CACNA1A: variants seen among roughly 807,000 people sequenced by gnomAD.
CACNA1A encodes calcium voltage-gated channel subunit alpha1 A, also known as voltage-dependent P/Q-type calcium channel subunit alpha-1A.
Under a neutral mutation model 262.4 loss-of-function variants are expected in CACNA1A, and 57 were observed. That is an observed-to-expected ratio of 0.22 (90% CI 0.18 to 0.27). CACNA1A has a LOEUF of 0.27. Among genes scored for constraint, CACNA1A ranks in the 10% least tolerant of loss-of-function variants. The pLI, the probability that CACNA1A is intolerant of heterozygous loss-of-function variation, is 1.00. For synonymous variants in CACNA1A, 1,431 were observed against 1,419.3 expected, an observed-to-expected ratio of 1.01 and a Z score of -0.18; for missense variants, 2,526 against 3,562.8, an observed-to-expected ratio of 0.71 and a Z score of 7.41.
intron 19 of CACNA1A, among the ~76,000 whole-genome samples, chr19:13,289,908 A>G (rs1278653738): frequency 6.7e-6 from 1 of 148,654 alleles, no homozygotes; most frequent in African/African-American, 2.4e-5. Flanking sequence ...TATATATAAC[A>G]TATATATTAT....
chr19:13,317,392 C>T (rs41276890), intron 10 of CACNA1A, 71 bp from the exon 11 acceptor site: 6 of 1,303,148 alleles, frequency 4.6e-6, no homozygotes, highest in African/African-American at 2.9e-5. Flanking sequence ...ATGTGCAGCC[C>T]AAGCACAGAT....
At chr19:13,210,584 C>T in intron 44 of CACNA1A, 33 bp downstream of exon 44, 1 of 1,551,022 alleles carries the variant, frequency 6.4e-7, no homozygotes, top group Non-Finnish European at 8.7e-7. Flanking sequence ...GGGGCCGGAG[C>T]CCTGCTGGGC....
intron 1 of CACNA1A, among the ~76,000 whole-genome samples, chr19:13,478,109 T>C (rs1459038044): frequency 6.6e-6 from 1 of 152,154 alleles, no homozygotes; most frequent in African/African-American, 2.4e-5. Flanking sequence ...ATGTGTGTGT[T>C]GTGTTTTATT....
At chr19:13,413,882 AAAGAAAG>A (rs1599399470) in intron 3 of CACNA1A, among the ~76,000 whole-genome samples, 11 of 123,688 alleles carry the variant, frequency 8.9e-5, no homozygotes, top group South Asian at 5.4e-4. Flanking sequence ...CTCTGTCAAG[AAAGAAAG>A]AAAGAAAAAG....
rs1978679474 is a variant in CACNA1A, at chr19:13,477,403, T to G, written c.294-22191A>C. On this transcript the variant is annotated intron_variant, in intron 1 of 46. Transcript: ENST00000360228. ...CTCCCAGAGGGCAGGGACTTTTGTC[T>G]GCTTCCTGTGTCTTGAAGAGTGCCT... is the stretch of plus-strand genomic sequence containing the variant. Among the ~76,000 whole-genome samples the G allele has an allele frequency of 2.0e-5, 3 of 152,380 alleles. No homozygotes were observed. In the South Asian group the frequency reaches 6.2e-4, roughly 32 times the overall value.
At chr19:13,210,937 G>A (rs1204745128) in intron 43 of CACNA1A, 4 of 532,554 alleles carry the variant, frequency 7.5e-6, no homozygotes, top group Non-Finnish European at 1.4e-5. Flanking sequence ...GCATGGGACC[G>A]AAAGACAGGA....
Position 13,227,240 on chromosome 19 carries a change from G to A in CACNA1A, c.5625+191C>T, listed in dbSNP as rs1453407786. On this transcript the variant is annotated intron_variant, in intron 37 of 46. Transcript: ENST00000360228. ...TCAGAAAGGACGGACACAGTGTGCT[G>A]CTTAGAATCAAGGGATGGTCATGAT... 7.7e-5 allele frequency: 29 copies of A among 377,640 alleles called. No homozygotes were observed. In the East Asian group the frequency reaches 9.6e-4, roughly 13 times the overall value. The allele number at this position is 377,640 out of a possible 1,614,324, so 23.4% of individuals were successfully genotyped here. A position where few individuals can be genotyped will look rare whatever the true frequency, so the allele number is the denominator to read the frequency against.
Position 13,506,018 on chromosome 19 carries a change from C to T in CACNA1A, c.207G>A (p.Gln69=). ...GAGACCGGTTAACCGTGAGGCAGTT[C>T]TGTCGGACGGGGATGGGGTTGTAGA... is the stretch of plus-strand genomic sequence containing the variant. ...MALYNPIPVR[Q]NCLTVNRSLF... The change falls in exon 1 of 47, where the codon CAG becomes CAA. Residue 69 remains glutamine (Q), a synonymous_variant. Coordinates refer to ENST00000360228, the MANE Select transcript of CACNA1A (RefSeq NM_001127222.2). 1 of 1,614,012 alleles carries T rather than the reference C, an allele frequency of 6.2e-7. No homozygotes were observed. Among genetic ancestry groups the T allele is most frequent in the Non-Finnish European group, 8.5e-7 (1 of 1,179,894 alleles).
chr19:13,462,413 C>G (rs1009380441), intron 1 of CACNA1A, among the ~76,000 whole-genome samples: 1 of 152,118 alleles, frequency 6.6e-6, no homozygotes, highest in African/African-American at 2.4e-5. Flanking sequence ...TAGAGGGTAC[C>G]AGAACCCTAG....
chr19:13,276,076 C>T, intron 23 of CACNA1A, 120 bp from the exon 24 acceptor site: 2 of 643,138 alleles, frequency 3.1e-6, no homozygotes, highest in Non-Finnish European at 5.5e-6. Flanking sequence ...CCTCATCTTG[C>T]AGGGATGGGC....
At chr19:13,283,466 T>G in intron 21 of CACNA1A, 70 bp from the exon 22 acceptor site, 1 of 1,592,034 alleles carries the variant, frequency 6.3e-7, no homozygotes. Flanking sequence ...TCTTCCATAA[T>G]CTCATGTTAC....
chr19:13,502,361 C>T (rs1982489019), intron 1 of CACNA1A, among the ~76,000 whole-genome samples: 1 of 152,130 alleles, frequency 6.6e-6, no homozygotes, highest in Non-Finnish European at 1.5e-5. Flanking sequence ...CCTCCGATGG[C>T]CTGAGTTTCT....
intron 3 of CACNA1A, among the ~76,000 whole-genome samples, chr19:13,410,142 C>T (rs1415084440): frequency 1.3e-5 from 2 of 152,082 alleles, no homozygotes; most frequent in African/African-American, 2.4e-5. Context: ...AAGAGATGTC[C>T]TCCTGACACT....
chr19:13,434,345 C>A, intron 3 of CACNA1A, among the ~76,000 whole-genome samples: 1 of 152,090 alleles, frequency 6.6e-6, no homozygotes, highest in East Asian at 1.9e-4. Context: ...GAAATAGGTA[C>A]AATGAGCCCC....
Position 13,214,468 on chromosome 19 carries a change from G to A in CACNA1A, c.5839+33C>T, listed in dbSNP as rs993807681. 7.0e-6 allele frequency: 11 copies of A among 1,580,558 alleles called. No homozygotes were observed. Among genetic ancestry groups the A allele is most frequent in the African/African-American group, 1.3e-5 (1 of 74,262 alleles). ...TCCCTCCCCCTCCATCTGTCCTGGT[G>A]GATTGGATCCCAGGGCTGGGCTCAG... On this transcript the variant is annotated intron_variant, in intron 39 of 46. Coordinates refer to ENST00000360228, the MANE Select transcript of CACNA1A (RefSeq NM_001127222.2). This position sits in a 1 kb window ranked among gnomAD's most constrained non-coding sequence, Gnocchi z 4.1.
At chr19:13,336,609 G>GAGAT (rs2145146276) in intron 6 of CACNA1A, among the ~76,000 whole-genome samples, 1 of 139,466 alleles carries the variant, frequency 7.2e-6, no homozygotes, top group East Asian at 4.7e-4. Flanking sequence ...GAGAGAGAGA[G>GAGAT]AGAGAGAGAG....
At chr19:13,309,183 T>C (rs960436222) in intron 12 of CACNA1A, among the ~76,000 whole-genome samples, 17 of 151,950 alleles carry the variant, frequency 1.1e-4, no homozygotes, top group Admixed American at 2.6e-4. Context: ...TAATTTTTTG[T>C]ATTTTTAGTA....
At chr19:13,317,077 G>C (rs1239616966) in intron 11 of CACNA1A, 35 bp downstream of exon 11, 1 of 1,405,762 alleles carries the variant, frequency 7.1e-7, no homozygotes, top group African/African-American at 1.4e-5. Flanking sequence ...GGAGGGATCA[G>C]GGAGTTGGCA....
chr19:13,436,559 C>CCACTCACTCATT (rs61324664), intron 3 of CACNA1A, among the ~76,000 whole-genome samples: 22,226 of 151,808 alleles, frequency 0.15, 2,177 homozygotes, highest in African/African-American at 0.27. Context: ...ATTCATTCAT[C>CCACTCACTCATT]CACTCACTCA....
Sources: gnomAD v4.1 joint callset for allele counts (sites outside exome capture counted in the v4.1 genomes callset) on GRCh38, gnomAD v4.1.1 for gene constraint, Gnocchi (gnomAD v3.1) non-coding constraint, MANE v1.5 for transcripts, NCBI Gene and HGNC (gene_info 2026-07-23, HGNC 2026-07-21) for gene names.